The following LUZP2 variants were observed in gnomAD, a reference collection of about 807,000 sequenced individuals.
LUZP2 encodes leucine zipper protein 2.
A neutral mutation model predicts 51.6 loss-of-function variants in LUZP2; 52 were observed. That is an observed-to-expected ratio of 1.01 (90% CI 0.81 to 1.27). LUZP2 has a LOEUF of 1.27. LUZP2 is among the 50% of genes most tolerant of loss of function. The pLI, the probability that LUZP2 is intolerant of heterozygous loss-of-function variation, is 0.00. For missense variants in LUZP2, 436 were observed against 395.4 expected (o/e 1.10, Z -0.87); for synonymous variants, 154 against 137.3 (o/e 1.12, Z -0.85).
intron 1 of LUZP2, among the ~76,000 whole-genome samples, chr11:24,693,178 T>G (rs1857132457): frequency 6.6e-6 from 1 of 151,926 alleles, no homozygotes; most frequent in African/African-American, 2.4e-5. Flanking sequence ...TCTGTATTCC[T>G]GCATTTTTTA....
intron 1 of LUZP2, among the ~76,000 whole-genome samples, chr11:24,658,919 C>T (rs1037260990): frequency 1.7e-3 from 259 of 152,282 alleles, no homozygotes; most frequent in African/African-American, 6.0e-3. Flanking sequence ...TGTCAGGAAA[C>T]AACAGGTGCT....
intron 5 of LUZP2, among the ~76,000 whole-genome samples, chr11:24,898,515 C>T (rs891538296): frequency 1.3e-5 from 2 of 151,766 alleles, no homozygotes; most frequent in Admixed American, 6.6e-5. Flanking sequence ...TCCCGCTACG[C>T]GGGAGCCTGA....
At chr11:25,062,027 T>C (rs1431479273) in intron 10 of LUZP2, among the ~76,000 whole-genome samples, 1 of 150,760 alleles carries the variant, frequency 6.6e-6, no homozygotes, top group African/African-American at 2.4e-5. Context: ...AAATATATCA[T>C]TGGAAAGTGA....
intron 7 of LUZP2, among the ~76,000 whole-genome samples, chr11:24,921,485 G>GCCATGTTGT (rs1398448511): frequency 5.3e-5 from 8 of 152,114 alleles, no homozygotes; most frequent in African/African-American, 1.9e-4. Context: ...GGCGGGAATT[G>GCCATGTTGT]CCATGTTGTC....
chr11:24,820,630 A>T (rs1850328524), intron 5 of LUZP2, among the ~76,000 whole-genome samples: 1 of 152,108 alleles, frequency 6.6e-6, no homozygotes, highest in Non-Finnish European at 1.5e-5. Flanking sequence ...AAATATAAGG[A>T]CTTGAAATTC....
chr11:24,714,096 G>C (rs1406465055), intron 1 of LUZP2, among the ~76,000 whole-genome samples: 3 of 151,872 alleles, frequency 2.0e-5, no homozygotes, highest in African/African-American at 4.8e-5. Context: ...TTTACACATT[G>C]TATTTTATAT....
intron 5 of LUZP2, chr11:24,785,691 T>C (rs1444922508): frequency 5.3e-6 from 1 of 189,642 alleles, no homozygotes; most frequent in Admixed American, 6.6e-5. Flanking sequence ...AAAACTCAGT[T>C]AAGATAAATC....
intron 8 of LUZP2, among the ~76,000 whole-genome samples, chr11:24,977,616 A>C (rs1219546065): frequency 6.6e-6 from 1 of 151,680 alleles, no homozygotes; most frequent in Non-Finnish European, 1.5e-5. Flanking sequence ...CATTACATAC[A>C]TGCATTATAT....
chr11:24,814,643 T>C (rs1236357861), intron 5 of LUZP2, among the ~76,000 whole-genome samples: 2 of 152,194 alleles, frequency 1.3e-5, no homozygotes, highest in African/African-American at 4.8e-5. Flanking sequence ...CAGCTTAGTA[T>C]GCTCACAAGA....
intron 1 of LUZP2, among the ~76,000 whole-genome samples, chr11:24,523,488 CTTTTTTTT>C (rs1850707988): frequency 7.2e-6 from 1 of 139,810 alleles, no homozygotes. Flanking sequence ...TATCAAGCTT[CTTTTTTTT>C]ACAAAAAAAA....
At chr11:24,958,065 T>C (rs1460942826) in intron 7 of LUZP2, among the ~76,000 whole-genome samples, 2 of 152,168 alleles carry the variant, frequency 1.3e-5, no homozygotes, top group African/African-American at 2.4e-5. Flanking sequence ...TCCATGTCCC[T>C]ACAAAGGACA....
intron 5 of LUZP2, among the ~76,000 whole-genome samples, chr11:24,847,540 T>G (rs2716520): frequency 0.16 from 24,884 of 152,082 alleles, 2,317 homozygotes; most frequent in African/African-American, 0.24. Context: ...ATTATGTAGA[T>G]TTTTCTCAAC....
At chr11:24,882,216 G>A (rs191609811) in intron 5 of LUZP2, among the ~76,000 whole-genome samples, 1 of 151,990 alleles carries the variant, frequency 6.6e-6, no homozygotes, top group African/African-American at 2.4e-5. Context: ...TTAATATATT[G>A]TCTATTGTTC....
At chr11:25,014,239 T>A (rs371774359) in intron 9 of LUZP2, among the ~76,000 whole-genome samples, 1 of 152,078 alleles carries the variant, frequency 6.6e-6, no homozygotes, top group Admixed American at 6.6e-5. Context: ...TAGCAGCATG[T>A]TTTATAATCC....
intron 9 of LUZP2, among the ~76,000 whole-genome samples, chr11:25,031,231 C>T (rs1857677225): frequency 6.6e-6 from 1 of 150,734 alleles, no homozygotes; most frequent in Non-Finnish European, 1.5e-5. Context: ...AGGCTGCTCT[C>T]GAACTCCTGA....
At chr11:24,856,691 G>T (rs1046545962) in intron 5 of LUZP2, among the ~76,000 whole-genome samples, 3 of 151,980 alleles carry the variant, frequency 2.0e-5, no homozygotes, top group Admixed American at 1.3e-4. Context: ...TCCATCAATG[G>T]ATAATTGGAT....
chr11:24,661,803 A>G (rs1856030873), intron 1 of LUZP2, among the ~76,000 whole-genome samples: 2 of 152,196 alleles, frequency 1.3e-5, no homozygotes, highest in South Asian at 4.1e-4. Flanking sequence ...CAGATTCATT[A>G]TACTGTTCTG....
chr11:24,674,569 C>T (rs768087170), intron 1 of LUZP2, among the ~76,000 whole-genome samples: 17 of 152,256 alleles, frequency 1.1e-4, no homozygotes, highest in Middle Eastern at 3.4e-3. Context: ...AAGATATGGA[C>T]GGTGACATTT....
chr11:24,711,282 C>G (rs2631443), intron 1 of LUZP2, among the ~76,000 whole-genome samples: 1 of 151,628 alleles, frequency 6.6e-6, no homozygotes, highest in Non-Finnish European at 1.5e-5. Context: ...ACCCCCGTCT[C>G]TACTAAAAAT....
Sources: gnomAD v4.1 joint callset for allele counts (sites outside exome capture counted in the v4.1 genomes callset) on GRCh38, gnomAD v4.1.1 for gene constraint, MANE v1.5 for transcripts, NCBI Gene and HGNC (gene_info 2026-07-23, HGNC 2026-07-21) for gene names.